PTPRD: variants seen among roughly 807,000 people sequenced by gnomAD.
The protein encoded by PTPRD is protein tyrosine phosphatase receptor type D, also known as receptor-type tyrosine-protein phosphatase delta.
A neutral mutation model predicts 214.5 loss-of-function variants in PTPRD; 34 were observed. The observed-to-expected ratio is 0.16, with a 90% CI of 0.12 to 0.21. PTPRD has a LOEUF of 0.21. Ranked by LOEUF, PTPRD falls within the 10% of genes least tolerant of loss-of-function variation. The pLI, the probability that PTPRD is intolerant of heterozygous loss-of-function variation, is 1.00. For missense variants in PTPRD, 2,545 were observed against 2,398.7 expected (o/e 1.06, Z -1.27); for synonymous variants, 1,128 against 845.7 (o/e 1.33, Z -5.79).
chr9:9,898,547 G>A lies in PTPRD; in HGVS notation c.-368+39960C>T, dbSNP rs569969762. Reference sequence around the variant, plus strand: ...TGAAGCTCTAGATTACGCTCTAGATGCGCATGCTATTTCAATTTAAGGAAT... The same window carrying A: ...TGAAGCTCTAGATTACGCTCTAGATACGCATGCTATTTCAATTTAAGGAAT... On this transcript the variant is annotated intron_variant, in intron 5 of 45. Transcript: ENST00000381196. Among the ~76,000 whole-genome samples, 27 of 152,178 alleles carry A rather than the reference G, an allele frequency of 1.8e-4. No individual in the cohort carries two copies. In the South Asian group the frequency reaches 5.2e-3, roughly 29 times the overall value.
chr9:8,449,487 T>C (rs1225206786), intron 34 of PTPRD, among the ~76,000 whole-genome samples: 3 of 152,200 alleles, frequency 2.0e-5, no homozygotes, highest in South Asian at 2.1e-4. Flanking sequence ...ACTATAGTTC[T>C]TCCAAAATTT....
chr9:10,267,807 A>G (rs1436735105), intron 3 of PTPRD, among the ~76,000 whole-genome samples: 1 of 152,212 alleles, frequency 6.6e-6, no homozygotes, highest in African/African-American at 2.4e-5. Flanking sequence ...GTATACATTT[A>G]ATAAACTATC....
Position 8,593,655 on chromosome 9 carries a change from C to A in PTPRD, c.352+39662G>T, listed in dbSNP as rs369578092. ...TTTGATTCTTTATTGGTGTGAAACA[C>A]TGTATCATAAAAGGTTTCGAGGCCA... On this transcript the variant is annotated intron_variant, in intron 14 of 45. Coordinates refer to ENST00000381196, the MANE Select transcript of PTPRD (RefSeq NM_002839.4). Among the ~76,000 whole-genome samples the A allele has an allele frequency of 8.5e-5, 13 of 152,230 alleles. No individual in the cohort carries two copies. The South Asian group carries it at 2.5e-3, about 29-fold the overall frequency.
intron 9 of PTPRD, among the ~76,000 whole-genome samples, chr9:9,267,074 GAATA>G (rs1940188989): frequency 6.6e-6 from 1 of 150,830 alleles, no homozygotes; most frequent in Admixed American, 6.6e-5. Context: ...AAATATAAAT[GAATA>G]AATGTTTTAA....
chr9:8,315,030 A>T lies in PTPRD; in HGVS notation c.*2844T>A. ...ATTGTAACTAATTACAAAATTATACATAACTACACGTACATAGGTAAATAA... is the reference window on the plus strand; with the variant it reads ...ATTGTAACTAATTACAAAATTATACTTAACTACACGTACATAGGTAAATAA... On this transcript the variant is annotated 3_prime_UTR_variant, in exon 46 of 46. Coordinates refer to ENST00000381196, the MANE Select transcript of PTPRD (RefSeq NM_002839.4). 2 of 232,556 alleles carry T rather than the reference A, an allele frequency of 8.6e-6. No homozygotes were observed. The highest frequency in any genetic ancestry group is 1.7e-5 in the Non-Finnish European group (2 of 117,300). 14.4% of individuals were successfully genotyped at this position (232,556 alleles called of 1,614,324 possible).
At chr9:10,397,991 G>A (rs1384762650) in intron 2 of PTPRD, among the ~76,000 whole-genome samples, 1 of 151,768 alleles carries the variant, frequency 6.6e-6, no homozygotes, top group East Asian at 2.0e-4. Context: ...TACATTAACT[G>A]AATTGTATGC....
At chr9:10,507,733 A>G (rs1432022716) in intron 2 of PTPRD, among the ~76,000 whole-genome samples, 2 of 152,280 alleles carry the variant, frequency 1.3e-5, no homozygotes, top group Admixed American at 1.3e-4. Context: ...TGCTGGGAAA[A>G]CTGGCTAGCC....
intron 2 of PTPRD, among the ~76,000 whole-genome samples, chr9:10,577,501 C>A (rs1228231818): frequency 6.6e-6 from 1 of 152,166 alleles, no homozygotes; most frequent in Non-Finnish European, 1.5e-5. Flanking sequence ...TCACTCTGTT[C>A]TCCTGTTGAG....
At chr9:9,759,611 G>A (rs1886131) in intron 6 of PTPRD, among the ~76,000 whole-genome samples, 17,764 of 139,196 alleles carry the variant, frequency 0.13, 1,809 homozygotes, top group African/African-American at 0.29. Flanking sequence ...AGGCTGAAGT[G>A]TAGTGACGCG....
In PTPRD at chr9:9,702,005, A is replaced by C. The variant is rs556127315; in HGVS notation, c.-287+32528T>G. Among the ~76,000 whole-genome samples, 53 of 152,032 alleles carry C rather than the reference A, an allele frequency of 3.5e-4. 1 individual carries two copies. Among genetic ancestry groups the C allele is most frequent in the Admixed American group, 3.4e-3 (52 of 15,256 alleles). ...ATGGTGGTGCATGCCTGTATTCCCC[A>C]CTACTAGGGGTAGCTGAGGCAGGGG... On this transcript the variant is annotated intron_variant, in intron 7 of 45. Transcript: ENST00000381196.
At chr9:9,016,682 T>C (rs759187736) in intron 11 of PTPRD, among the ~76,000 whole-genome samples, 8 of 152,124 alleles carry the variant, frequency 5.3e-5, no homozygotes, top group Admixed American at 1.3e-4. Flanking sequence ...AAAATGATAA[T>C]GTTGAATCAC....
At chr9:10,257,242 G>T (rs970602854) in intron 3 of PTPRD, among the ~76,000 whole-genome samples, 3 of 152,158 alleles carry the variant, frequency 2.0e-5, no homozygotes, top group Non-Finnish European at 2.9e-5. Flanking sequence ...AGAAAAGGTT[G>T]CCTATATCTG....
chr9:8,357,845 C>T (rs2077366026), intron 39 of PTPRD, among the ~76,000 whole-genome samples: 1 of 152,138 alleles, frequency 6.6e-6, no homozygotes, highest in Non-Finnish European at 1.5e-5. Flanking sequence ...CCACACTCAA[C>T]ATTTACAAAC....
At position 10,287,977 on chromosome 9, in the gene PTPRD, T is replaced by C. The variant is rs191617778; in HGVS notation, c.-545+52986A>G. On this transcript the variant is annotated intron_variant, in intron 3 of 45. Coordinates refer to ENST00000381196, the MANE Select transcript of PTPRD (RefSeq NM_002839.4). The stretch of plus-strand genomic sequence containing the variant: ...GTTGCATGATTTATGTTTTAAGAAG[T>C]TTGAATAACTTGCAAAGCCTCAAAT... Among the ~76,000 whole-genome samples the C allele has an allele frequency of 5.0e-3, 755 of 152,038 alleles. 11 individuals are homozygous for C. Among genetic ancestry groups the C allele is most frequent in the African/African-American group, 0.017 (697 of 41,482 alleles).
At chr9:10,039,765 A>G (rs1398742084) in intron 3 of PTPRD, among the ~76,000 whole-genome samples, 1 of 151,934 alleles carries the variant, frequency 6.6e-6, no homozygotes, top group Non-Finnish European at 1.5e-5. Flanking sequence ...ATTGAGATAT[A>G]TTTATCAAAT....
chr9:9,084,061 C>T (rs933324400), intron 10 of PTPRD, among the ~76,000 whole-genome samples: 1 of 152,078 alleles, frequency 6.6e-6, no homozygotes, highest in Admixed American at 6.5e-5. Flanking sequence ...GGGTATATAC[C>T]CAAAGGATTA....
chr9:8,424,429 G>A (rs774606385), intron 35 of PTPRD, among the ~76,000 whole-genome samples: 2 of 152,094 alleles, frequency 1.3e-5, no homozygotes, highest in Admixed American at 6.6e-5. Context: ...CATACCTTCT[G>A]TAACATGGGG....
chr9:8,484,917 G>C (rs1001481443), intron 29 of PTPRD, among the ~76,000 whole-genome samples: 2 of 152,130 alleles, frequency 1.3e-5, no homozygotes, highest in Non-Finnish European at 2.9e-5. Context: ...TAAATAGGTA[G>C]AAACCATGTA....
intron 7 of PTPRD, among the ~76,000 whole-genome samples, chr9:9,630,686 C>T (rs889745217): frequency 1.3e-5 from 2 of 152,058 alleles, no homozygotes; most frequent in Admixed American, 1.3e-4. Flanking sequence ...TAAATGTATT[C>T]CCCTCTTATA....
Sources: allele counts gnomAD v4.1 joint callset (sites outside exome capture counted in the v4.1 genomes callset), GRCh38; gene constraint gnomAD v4.1.1; transcripts MANE v1.5; gene names NCBI Gene and HGNC (gene_info 2026-07-23, HGNC 2026-07-21).